The following PRELID2 variants were observed in gnomAD, a reference collection of about 807,000 sequenced individuals.
PRELID2 encodes the protein PRELI domain containing 2.
PRELID2 carries 25 observed loss-of-function variants against 28.4 expected under a neutral mutation model. The observed-to-expected ratio is 0.88, with a 90% confidence interval of 0.64 to 1.23. PRELID2 has a LOEUF of 1.23. Among genes scored for constraint, PRELID2 ranks in the 50% most tolerant of loss-of-function variants. The pLI is 0.00. For synonymous variants in PRELID2, 76 were observed against 71.6 expected, an observed-to-expected ratio of 1.06 and a Z score of -0.31; for missense variants, 201 against 214.4, an observed-to-expected ratio of 0.94 and a Z score of 0.39.
downstream of PRELID2, among the ~76,000 whole-genome samples, chr5:145,753,413 T>A (rs1317375636): frequency 6.6e-6 from 1 of 152,238 alleles, no homozygotes; most frequent in Non-Finnish European, 1.5e-5. Flanking sequence ...CCAAACAGGC[T>A]GTGCACGAAG....
the PRELID2 span, among the ~76,000 whole-genome samples, chr5:145,425,150 G>C: frequency 5.3e-5 from 8 of 151,940 alleles, no homozygotes; most frequent in South Asian, 1.7e-3. Flanking sequence ...CAAGAAACAT[G>C]AAAAAATGCT....
chr5:145,653,113 A>G (rs1754327994), intron 1 of PRELID2, among the ~76,000 whole-genome samples: 1 of 152,220 alleles, frequency 6.6e-6, no homozygotes, highest in Non-Finnish European at 1.5e-5. Context: ...AGTCTCTGAT[A>G]AAACAGACTT....
chr5:145,487,006 C>T (rs1752223605), intron 1 of PRELID2, among the ~76,000 whole-genome samples: 1 of 145,704 alleles, frequency 6.9e-6, no homozygotes, highest in Admixed American at 7.0e-5. Context: ...AAACCAAACA[C>T]CGCATATTCT....
chr5:145,414,970 G>C, the PRELID2 span, among the ~76,000 whole-genome samples: 1 of 152,302 alleles, frequency 6.6e-6, no homozygotes, highest in African/African-American at 2.4e-5. Flanking sequence ...TCTAAGACCT[G>C]AACTCAGCTC....
the PRELID2 span, among the ~76,000 whole-genome samples, chr5:145,330,000 A>T: frequency 6.6e-6 from 1 of 152,166 alleles, no homozygotes; most frequent in South Asian, 2.1e-4. Context: ...GTTGAATTTT[A>T]TCGAAGGCCT....
At chr5:145,785,607 AG>A (rs1460704078) in intron 5 of PRELID2, among the ~76,000 whole-genome samples, 2 of 152,178 alleles carry the variant, frequency 1.3e-5, no homozygotes, top group African/African-American at 4.8e-5. Context: ...CAGACACCAA[AG>A]GCTTTGATTA....
At chr5:145,350,296 T>A in the PRELID2 span, among the ~76,000 whole-genome samples, 1 of 152,192 alleles carries the variant, frequency 6.6e-6, no homozygotes, top group African/African-American at 2.4e-5. Flanking sequence ...TCAGTCTAGA[T>A]GACATGAGAA....
At chr5:145,826,296 T>G in intron 1 of PRELID2, 6 of 441,174 alleles carry the variant, frequency 1.4e-5, no homozygotes, top group Non-Finnish European at 1.8e-5. Context: ...CAATCCCCAT[T>G]TCATACTAGA....
At chr5:145,639,767 A>G (rs1392045101) in intron 1 of PRELID2, among the ~76,000 whole-genome samples, 1 of 152,252 alleles carries the variant, frequency 6.6e-6, no homozygotes, top group Non-Finnish European at 1.5e-5. Flanking sequence ...TAACAAAAGT[A>G]GGTGCGAGCT....
chr5:145,243,279 T>C, the PRELID2 span, among the ~76,000 whole-genome samples: 1 of 152,074 alleles, frequency 6.6e-6, no homozygotes, highest in Non-Finnish European at 1.5e-5. Context: ...TAGAATATTC[T>C]CTATCAGTAA....
the PRELID2 span, among the ~76,000 whole-genome samples, chr5:145,371,344 A>G: frequency 1.3e-5 from 2 of 152,238 alleles, no homozygotes; most frequent in East Asian, 3.9e-4. Context: ...ATTTTATCAA[A>G]GGTCTTTTCT....
intron 1 of PRELID2, among the ~76,000 whole-genome samples, chr5:145,577,275 T>G (rs758428867): frequency 6.6e-6 from 1 of 152,110 alleles, no homozygotes; most frequent in Non-Finnish European, 1.5e-5. Context: ...TGGAGATGCA[T>G]GAACTACCTA....
chr5:145,546,304 T>G (rs1280028694), intron 1 of PRELID2, among the ~76,000 whole-genome samples: 1 of 152,094 alleles, frequency 6.6e-6, no homozygotes, highest in Non-Finnish European at 1.5e-5. Flanking sequence ...ACTCAATATC[T>G]CTAATACATG....
chr5:145,602,511 A>G (rs1314886032), intron 1 of PRELID2, among the ~76,000 whole-genome samples: 1 of 152,126 alleles, frequency 6.6e-6, no homozygotes, highest in Non-Finnish European at 1.5e-5. Flanking sequence ...AGAAATAGAC[A>G]CACAAGACTT....
At chr5:145,288,482 A>G in the PRELID2 span, among the ~76,000 whole-genome samples, 1 of 151,972 alleles carries the variant, frequency 6.6e-6, no homozygotes, top group Non-Finnish European at 1.5e-5. Flanking sequence ...ATATAAGGTG[A>G]TCCAACTTCA....
chr5:145,372,988 ATATATTACAACATATATAATATATATAT>A, the PRELID2 span, among the ~76,000 whole-genome samples: 2 of 104,096 alleles, frequency 1.9e-5, no homozygotes, highest in South Asian at 3.0e-4. Flanking sequence ...ATATGATATT[ATATATTACAACATATATAATATATATAT>A]TATATTACAA....
intron 1 of PRELID2, among the ~76,000 whole-genome samples, chr5:145,536,374 C>G (rs1039342454): frequency 6.6e-6 from 1 of 151,852 alleles, no homozygotes; most frequent in Non-Finnish European, 1.5e-5. Flanking sequence ...GCTGAAGAAT[C>G]TAAAATTAAG....
At chr5:145,748,258 C>G (rs986288871) in intron 1 of PRELID2, among the ~76,000 whole-genome samples, 6 of 152,122 alleles carry the variant, frequency 3.9e-5, no homozygotes, top group Non-Finnish European at 7.4e-5. Flanking sequence ...TTTAGCGAAC[C>G]CTTCATCTCA....
chr5:145,602,868 A>G (rs1753416458), intron 1 of PRELID2, among the ~76,000 whole-genome samples: 2 of 152,062 alleles, frequency 1.3e-5, no homozygotes, highest in Non-Finnish European at 2.9e-5. Context: ...CCTGGCCAAC[A>G]AGGTGAAACC....
Sources: allele counts gnomAD v4.1 joint callset (sites outside exome capture counted in the v4.1 genomes callset), GRCh38; gene constraint gnomAD v4.1.1; transcripts MANE v1.5; gene names NCBI Gene and HGNC (gene_info 2026-07-23, HGNC 2026-07-21).